TENM2: variants seen among roughly 807,000 people sequenced by gnomAD.
TENM2 encodes the protein teneurin-2.
A neutral mutation model predicts 245.2 loss-of-function variants in TENM2; 52 were observed. The observed-to-expected ratio is 0.21, with a 90% CI of 0.17 to 0.27. The LOEUF is 0.27. Ranked by LOEUF, TENM2 falls within the 10% of genes least tolerant of loss-of-function variation. The pLI, the probability that TENM2 is intolerant of heterozygous loss-of-function variation, is 1.00. For synonymous variants in TENM2, 1,363 were observed against 1,438.9 expected, an observed-to-expected ratio of 0.95 and a Z score of 1.19; for missense variants, 3,046 against 3,666.8, an observed-to-expected ratio of 0.83 and a Z score of 4.37.
intron 2 of TENM2, among the ~76,000 whole-genome samples, chr5:167,812,606 C>T (rs748840002): frequency 6.6e-6 from 1 of 152,194 alleles, no homozygotes; most frequent in African/African-American, 2.4e-5. Context: ...TAAGCGCCAG[C>T]CTGAGTGTGT....
chr5:167,936,503 G>T (rs1778728420), intron 3 of TENM2, among the ~76,000 whole-genome samples: 1 of 152,210 alleles, frequency 6.6e-6, no homozygotes, highest in South Asian at 2.1e-4. Context: ...TTTTCAGGCT[G>T]CCTTTCTCCC....
At chr5:167,965,355 A>G (rs1781313184) in intron 4 of TENM2, 1 of 152,214 alleles carries the variant, frequency 6.6e-6, no homozygotes, top group Non-Finnish European at 1.5e-5. Context: ...ACAGAAAATC[A>G]TCCATTTACA....
At chr5:167,421,796 T>A (rs1763523372) in intron 2 of TENM2, among the ~76,000 whole-genome samples, 1 of 152,090 alleles carries the variant, frequency 6.6e-6, no homozygotes, top group Non-Finnish European at 1.5e-5. Flanking sequence ...ATTCTGTTTT[T>A]TGTTTGTTTG....
At chr5:167,136,697 C>A in the TENM2 span, among the ~76,000 whole-genome samples, 2 of 152,156 alleles carry the variant, frequency 1.3e-5, no homozygotes, top group Non-Finnish European at 2.9e-5. Context: ...ATGCTAAGTG[C>A]AGCCTTAGAG....
chr5:167,068,122 A>G, the TENM2 span, among the ~76,000 whole-genome samples: 1 of 152,212 alleles, frequency 6.6e-6, no homozygotes, highest in African/African-American at 2.4e-5. Context: ...GTTGTATTTT[A>G]GGCTGCTCGA....
chr5:167,702,552 G>GTGTGTGTATATATATATA (rs58351767), intron 2 of TENM2, among the ~76,000 whole-genome samples: 30 of 136,778 alleles, frequency 2.2e-4, no homozygotes, highest in African/African-American at 7.4e-4. Context: ...GTGTGTGTGT[G>GTGTGTGTATATATATATA]TATATATATA....
chr5:167,858,385 T>C (rs529979596), intron 2 of TENM2, among the ~76,000 whole-genome samples: 2 of 152,378 alleles, frequency 1.3e-5, no homozygotes, highest in East Asian at 3.9e-4. Context: ...GTTTTACAAG[T>C]TGCCCACATG....
At chr5:167,659,780 T>C (rs935203320) in intron 2 of TENM2, among the ~76,000 whole-genome samples, 2 of 152,172 alleles carry the variant, frequency 1.3e-5, no homozygotes, top group African/African-American at 4.8e-5. Flanking sequence ...AGTTACTGAC[T>C]GGGTATAAGG....
Position 168,215,020 on chromosome 5 carries a change from T to G in TENM2, c.3846-20T>G, listed in dbSNP as rs1763064585. 6.2e-7 allele frequency: 1 copy of G among 1,610,300 alleles called. No individual in the cohort carries two copies. The highest frequency in any genetic ancestry group is 8.5e-7 in the Non-Finnish European group (1 of 1,176,926). ...TCCATAGCCCCCTCCTCATTTCTCTTTGTGCTTCTTCTACTAAAGCAACAA... is the reference window on the plus strand; with the variant it reads ...TCCATAGCCCCCTCCTCATTTCTCTGTGTGCTTCTTCTACTAAAGCAACAA... On this transcript the variant is annotated intron_variant, in intron 20 of 28. Transcript: ENST00000518659.
At chr5:167,822,042 T>A (rs71603838) in intron 2 of TENM2, among the ~76,000 whole-genome samples, 3 of 152,086 alleles carry the variant, frequency 2.0e-5, no homozygotes, top group Non-Finnish European at 1.5e-5. Flanking sequence ...TTTTGTTTTG[T>A]TTTGTTTTGT....
At chr5:167,532,909 G>C (rs1422344723) in intron 2 of TENM2, among the ~76,000 whole-genome samples, 1 of 151,120 alleles carries the variant, frequency 6.6e-6, no homozygotes, top group Non-Finnish European at 1.5e-5. Context: ...TGGGACTATA[G>C]TCCCCAACTT....
At chr5:167,275,170 G>A in the TENM2 span, among the ~76,000 whole-genome samples, 1 of 151,892 alleles carries the variant, frequency 6.6e-6, no homozygotes, top group Non-Finnish European at 1.5e-5. Flanking sequence ...AAATCAGTTG[G>A]ACATAGCTGT....
chr5:168,156,264 A>AAAAAAAAAC (rs1337595983), intron 12 of TENM2, among the ~76,000 whole-genome samples: 2 of 150,902 alleles, frequency 1.3e-5, no homozygotes, highest in Non-Finnish European at 1.5e-5. Flanking sequence ...AAAAAAAAAA[A>AAAAAAAAAC]AACACTTTTT....
At chr5:168,174,824 C>T (rs1759201096) in intron 13 of TENM2, among the ~76,000 whole-genome samples, 1 of 152,156 alleles carries the variant, frequency 6.6e-6, no homozygotes, top group Non-Finnish European at 1.5e-5. Flanking sequence ...GCTTGTCATC[C>T]GGAGAGGAGT....
chr5:167,704,748 A>G (rs1349475112), intron 2 of TENM2, among the ~76,000 whole-genome samples: 2 of 152,202 alleles, frequency 1.3e-5, no homozygotes, highest in Non-Finnish European at 2.9e-5. Context: ...GAGTTGAAAG[A>G]ATCAGCCCTT....
chr5:168,154,556 T>A (rs1328228914), intron 12 of TENM2, among the ~76,000 whole-genome samples: 1 of 152,184 alleles, frequency 6.6e-6, no homozygotes, highest in Non-Finnish European at 1.5e-5. Context: ...TGTGAAAGGA[T>A]TGTTTTTACT....
At chr5:167,704,943 T>G (rs1758404408) in intron 2 of TENM2, among the ~76,000 whole-genome samples, 1 of 152,124 alleles carries the variant, frequency 6.6e-6, no homozygotes, top group South Asian at 2.1e-4. Context: ...CTGGAGTGTA[T>G]TGATTCTTTA....
chr5:167,967,235 G>A (rs1781449286), intron 4 of TENM2: 1 of 152,216 alleles, frequency 6.6e-6, no homozygotes, highest in Admixed American at 6.5e-5. Context: ...GAAAAAGCTG[G>A]TTAGGAGGGG....
intron 1 of TENM2, among the ~76,000 whole-genome samples, chr5:167,327,933 T>TACC (rs1209426583): frequency 8.5e-5 from 13 of 152,142 alleles, no homozygotes; most frequent in Admixed American, 8.5e-4. Flanking sequence ...GTGATGATAT[T>TACC]GTATGAAATT....
Sources: allele counts gnomAD v4.1 joint callset (sites outside exome capture counted in the v4.1 genomes callset), GRCh38; gene constraint gnomAD v4.1.1; transcripts MANE v1.5; gene names NCBI Gene and HGNC (gene_info 2026-07-23, HGNC 2026-07-21).